Variants in ZNF821 observed in about 807,000 individuals in gnomAD.
ZNF821 encodes zinc finger protein 821.
ZNF821 carries 16 observed loss-of-function variants against 44.3 expected under a neutral mutation model. The observed-to-expected ratio is 0.36, with a 90% CI of 0.24 to 0.55. ZNF821 has a LOEUF of 0.55. ZNF821 is among the 20% of genes least tolerant of loss of function. The probability of loss-of-function intolerance (pLI) is 0.86; values close to 1 mark genes in which losing one functional copy is unlikely to be tolerated. For missense variants in ZNF821, 436 were observed against 547.6 expected (o/e 0.80, Z 2.03); for synonymous variants, 204 against 197.6 (o/e 1.03, Z -0.27).
At chr16:71,871,771 C>G (rs556710280) in intron 3 of ZNF821, among the ~76,000 whole-genome samples, 1 of 151,358 alleles carries the variant, frequency 6.6e-6, no homozygotes, top group Admixed American at 6.6e-5. Context: ...AAGGTGTTCT[C>G]TCTCCTTTTA....
At chr16:71,883,637 G>A (rs886334426) in intron 1 of ZNF821, 4 of 152,334 alleles carry the variant, frequency 2.6e-5, no homozygotes, top group Admixed American at 1.3e-4. Flanking sequence ...GGGGCCCGAG[G>A]AGGCGGGGTG....
intron 3 of ZNF821, 117 bp downstream of exon 3, chr16:71,879,790 T>C: frequency 9.9e-7 from 1 of 1,010,600 alleles, no homozygotes; most frequent in African/African-American, 1.6e-5. Context: ...AACTGTGTTT[T>C]ACATTTAAAC....
At chr16:71,889,828 T>A (rs1323809174) in intron 1 of ZNF821, among the ~76,000 whole-genome samples, 1 of 152,194 alleles carries the variant, frequency 6.6e-6, no homozygotes, top group African/African-American at 2.4e-5. Context: ...TGGCATGGCA[T>A]GTGCCTATAG....
chr16:71,894,701 T>TTA, intron 1 of ZNF821: 1 of 477,096 alleles, frequency 2.1e-6, no homozygotes, highest in African/African-American at 2.0e-5. Context: ...TTTTTAACTT[T>TTA]TTTTTTTTTT....
At chr16:71,882,321 C>G (rs1452457122) in intron 2 of ZNF821, 2 of 151,296 alleles carry the variant, frequency 1.3e-5, no homozygotes, top group African/African-American at 4.8e-5. Flanking sequence ...ATATACTCCT[C>G]TAATGTGATA....
intron 3 of ZNF821, among the ~76,000 whole-genome samples, chr16:71,878,911 G>A (rs1306308917): frequency 6.7e-6 from 1 of 148,624 alleles, no homozygotes. Flanking sequence ...GTGACAGAGC[G>A]AGACTCTGTC....
chr16:71,864,049 C>CAG (rs2034245147), intron 6 of ZNF821, 89 bp downstream of exon 6: 2 of 1,156,722 alleles, frequency 1.7e-6, no homozygotes, highest in East Asian at 4.7e-5. Flanking sequence ...CTTCAGGAGC[C>CAG]AGAGAGAGAC....
chr16:71,859,693 AAATT>A lies in ZNF821; in HGVS notation c.*321_*324del, dbSNP rs2033618037. ...AAGCAAGAAAGGGGCAGTAAAGATA[AAATT>A]AATTTATTTGACTTCACAACTTCAT... On this transcript the variant is annotated 3_prime_UTR_variant, in exon 8 of 8. Coordinates refer to ENST00000425432, the MANE Select transcript of ZNF821 (RefSeq NM_001201552.2). 3.4e-6 allele frequency: 1 copy of A among 291,568 alleles called. No individual in the cohort carries two copies. The highest frequency in any genetic ancestry group is 6.1e-5 in the East Asian group (1 of 16,344). 18.1% of individuals were successfully genotyped at this position (291,568 alleles called of 1,614,324 possible).
Sources: gnomAD v4.1 joint callset for allele counts (sites outside exome capture counted in the v4.1 genomes callset) on GRCh38, gnomAD v4.1.1 for gene constraint, MANE v1.5 for transcripts, NCBI Gene and HGNC (gene_info 2026-07-23, HGNC 2026-07-21) for gene names.